LRMDA: variants seen among roughly 807,000 people sequenced by gnomAD.
The protein encoded by LRMDA is leucine-rich melanocyte differentiation-associated protein.
In LRMDA, 18 loss-of-function variants were observed where a neutral mutation model predicts 29.8. The ratio of observed to expected loss-of-function variants is 0.60; its 90% CI spans 0.42 to 0.90. LRMDA has a LOEUF of 0.90. Among genes scored for constraint, LRMDA ranks in the 40% least tolerant of loss-of-function variants. The probability of loss-of-function intolerance (pLI) is 0.00; values close to 1 mark genes in which losing one functional copy is unlikely to be tolerated. For synonymous variants in LRMDA, 125 were observed against 109.4 expected, an observed-to-expected ratio of 1.14 and a Z score of -0.89; for missense variants, 273 against 273.9, an observed-to-expected ratio of 1.00 and a Z score of 0.02.
chr10:75,543,839 A>C (rs1840047305), intron 2 of LRMDA, among the ~76,000 whole-genome samples: 1 of 152,094 alleles, frequency 6.6e-6, no homozygotes, highest in African/African-American at 2.4e-5. Context: ...TCTATGAAAC[A>C]TGACAGTAAG....
chr10:76,096,235 ATTTTATAGCTCTAG>A (rs1849309760), intron 5 of LRMDA, among the ~76,000 whole-genome samples: 1 of 152,138 alleles, frequency 6.6e-6, no homozygotes, highest in Non-Finnish European at 1.5e-5. Flanking sequence ...TATTTTCAAA[ATTTTATAGCTCTAG>A]TTTTTACATT....
chr10:75,581,912 A>G (rs1341341956), intron 2 of LRMDA, among the ~76,000 whole-genome samples: 2 of 152,160 alleles, frequency 1.3e-5, no homozygotes, highest in Non-Finnish European at 2.9e-5. Flanking sequence ...CTGTACATGT[A>G]CCCCAGAAAT....
At chr10:76,519,708 A>G (rs905245269) in intron 6 of LRMDA, among the ~76,000 whole-genome samples, 1 of 152,196 alleles carries the variant, frequency 6.6e-6, no homozygotes, top group Non-Finnish European at 1.5e-5. Context: ...CCATTTTAAA[A>G]AATAGCAAAA....
Position 75,449,634 on chromosome 10 carries a change from G to A in LRMDA, c.131+11140G>A, listed in dbSNP as rs190716591. ...GACCCTAGAGGCCCTGAAGTCATAC[G>A]TATATAGCATTTCCTGCTCTCTCCC... is the stretch of plus-strand genomic sequence containing the variant. On this transcript the variant is annotated intron_variant, in intron 2 of 6. Transcript: ENST00000611255. Among the ~76,000 whole-genome samples, 6 of 151,916 alleles carry A rather than the reference G, an allele frequency of 3.9e-5. No homozygotes were observed. The East Asian group carries it at 9.7e-4, about 24-fold the overall frequency.
intron 5 of LRMDA, among the ~76,000 whole-genome samples, chr10:76,225,208 C>T (rs1050655800): frequency 5.9e-5 from 9 of 151,978 alleles, no homozygotes; most frequent in Middle Eastern, 3.4e-3. Flanking sequence ...GTCAGGAGTT[C>T]GAGACCAGCC....
At chr10:75,746,000 A>G (rs1028745014) in intron 2 of LRMDA, among the ~76,000 whole-genome samples, 2 of 152,316 alleles carry the variant, frequency 1.3e-5, no homozygotes, top group African/African-American at 4.8e-5. Flanking sequence ...GCTTCTCACT[A>G]GAAATGTTAA....
intron 2 of LRMDA, among the ~76,000 whole-genome samples, chr10:75,580,468 A>G (rs1402232238): frequency 6.6e-6 from 1 of 152,256 alleles, no homozygotes; most frequent in African/African-American, 2.4e-5. Flanking sequence ...GGAAGAATCA[A>G]TATCATGAAA....
At chr10:75,978,240 G>A (rs1847107774) in intron 2 of LRMDA, among the ~76,000 whole-genome samples, 1 of 152,194 alleles carries the variant, frequency 6.6e-6, no homozygotes. Context: ...AAAGGAGTAT[G>A]GAAGTATTGC....
At chr10:76,042,661 T>C (rs1187649591) in intron 3 of LRMDA, among the ~76,000 whole-genome samples, 1 of 152,188 alleles carries the variant, frequency 6.6e-6, no homozygotes, top group African/African-American at 2.4e-5. Context: ...TCAATCTTTA[T>C]TGAAGATATG....
chr10:75,588,741 A>G (rs1458578723), intron 2 of LRMDA, among the ~76,000 whole-genome samples: 2 of 152,194 alleles, frequency 1.3e-5, no homozygotes, highest in Non-Finnish European at 2.9e-5. Context: ...TGTTTCCATG[A>G]CAACCCCTAA....
intron 6 of LRMDA, among the ~76,000 whole-genome samples, chr10:76,465,916 C>T (rs532809977): frequency 6.6e-6 from 1 of 152,112 alleles, no homozygotes; most frequent in African/African-American, 2.4e-5. Context: ...TACAAGGACA[C>T]CAGTTATATG....
rs539665421 is a variant in LRMDA at position 75,834,282 on chromosome 10, G to T, written c.132-201726G>T. ...AATTCTATGTCTATTTCTGGCTTCT[G>T]TTGAGATGGTTGAGGGGATTCACGA... On this transcript the variant is annotated intron_variant, in intron 2 of 6. Coordinates refer to ENST00000611255, the MANE Select transcript of LRMDA (RefSeq NM_001305581.2). 4.6e-5 allele frequency among the ~76,000 whole-genome samples: 7 copies of T among 152,290 alleles called. No individual in the cohort carries two copies. In the East Asian group the frequency reaches 1.4e-3, roughly 29 times the overall value.
intron 6 of LRMDA, among the ~76,000 whole-genome samples, chr10:76,404,609 A>G (rs932342922): frequency 1.3e-5 from 2 of 151,990 alleles, no homozygotes; most frequent in South Asian, 4.2e-4. Flanking sequence ...TTCCCTTGCT[A>G]TATTCCCAGC....
intron 5 of LRMDA, among the ~76,000 whole-genome samples, chr10:76,077,605 G>A (rs960890633): frequency 1.3e-5 from 2 of 152,164 alleles, no homozygotes; most frequent in African/African-American, 2.4e-5. Flanking sequence ...TGTTTTCTGG[G>A]AGGTCACCAT....
In LRMDA at chr10:76,363,176, A is replaced by AGAAAGAAAGAAAGAAAGAGGGAG. The variant is rs1459442138; in HGVS notation, c.601+38692_601+38693insAAAGAAAGAAAGAAAGAGGGAGG. Reference sequence around the variant, plus strand: ...AAGAAAGAAAGAAAGAAAGAAAGAAAGGAGGGAGGGAGGGAGGGAGGGAGG... The same window carrying AGAAAGAAAGAAAGAAAGAGGGAG: ...AAGAAAGAAAGAAAGAAAGAAAGAAAGAAAGAAAGAAAGAAAGAGGGAGGGAGGGAGGGAGGGAGGGAGGGAGG... On this transcript the variant is annotated intron_variant, in intron 6 of 6. Transcript: ENST00000611255. Among the ~76,000 whole-genome samples the AGAAAGAAAGAAAGAAAGAGGGAG allele has an allele frequency of 1.2e-3, 27 of 21,794 alleles. 2 individuals carry two copies. The highest frequency in any genetic ancestry group is 2.3e-3 in the African/African-American group (16 of 6,898). 14.3% of individuals were successfully genotyped at this position (21,794 alleles called of 152,430 possible). A position where few individuals can be genotyped will look rare whatever the true frequency, so the allele number is the denominator to read the frequency against.
At chr10:75,652,848 T>C (rs777335337) in intron 2 of LRMDA, among the ~76,000 whole-genome samples, 63 of 152,202 alleles carry the variant, frequency 4.1e-4, no homozygotes, top group Non-Finnish European at 7.9e-4. Context: ...CATATGTTGA[T>C]ATAGAATTTT....
At chr10:76,411,364 A>G (rs1841959414) in intron 6 of LRMDA, among the ~76,000 whole-genome samples, 1 of 152,140 alleles carries the variant, frequency 6.6e-6, no homozygotes, top group Admixed American at 6.5e-5. Flanking sequence ...TGGGATCTCA[A>G]CTTCCACTCT....
chr10:75,872,080 G>A (rs867345544), intron 2 of LRMDA, among the ~76,000 whole-genome samples: 40 of 152,022 alleles, frequency 2.6e-4, no homozygotes, highest in African/African-American at 7.3e-4. Flanking sequence ...ACCACTGTAC[G>A]GTACTTTTAA....
At chr10:76,416,193 A>G (rs1166874044) in intron 6 of LRMDA, among the ~76,000 whole-genome samples, 1 of 152,184 alleles carries the variant, frequency 6.6e-6, no homozygotes, top group Admixed American at 6.5e-5. Context: ...CAGGACTGGG[A>G]TGGAAGTTTC....
Sources: gnomAD v4.1 joint callset for allele counts (sites outside exome capture counted in the v4.1 genomes callset) on GRCh38, gnomAD v4.1.1 for gene constraint, MANE v1.5 for transcripts, NCBI Gene and HGNC (gene_info 2026-07-23, HGNC 2026-07-21) for gene names.